The following WDR37 variants were observed in gnomAD, a reference collection of about 807,000 sequenced individuals.
WDR37 encodes WD repeat-containing protein 37.
WDR37 carries 19 observed loss-of-function variants against 62.9 expected under a neutral mutation model. The observed-to-expected ratio is 0.30, with a 90% CI of 0.21 to 0.44. The LOEUF (loss-of-function observed/expected upper bound fraction) is 0.44, where lower values mean the gene tolerates loss of function less well. Ranked by LOEUF, WDR37 falls within the 20% of genes least tolerant of loss-of-function variation. The pLI, the probability that WDR37 is intolerant of heterozygous loss-of-function variation, is 1.00. For synonymous variants in WDR37, 250 were observed against 260.9 expected, an observed-to-expected ratio of 0.96 and a Z score of 0.40; for missense variants, 474 against 657.6, an observed-to-expected ratio of 0.72 and a Z score of 3.05.
intron 1 of WDR37, among the ~76,000 whole-genome samples, chr10:1,065,562 G>A (rs574478016): frequency 2.0e-5 from 3 of 151,950 alleles, no homozygotes; most frequent in Non-Finnish European, 4.4e-5. Context: ...TGAAAGTCAT[G>A]AGTGTAATTG....
Position 1,105,922 on chromosome 10 carries a change from A to T in WDR37, c.1103+655A>T, listed in dbSNP as rs1834997334. Among the ~76,000 whole-genome samples the T allele has an allele frequency of 6.6e-6, 1 of 151,890 alleles. No individual in the cohort carries two copies. Among genetic ancestry groups the T allele is most frequent in the Admixed American group, 6.6e-5 (1 of 15,230 alleles). On this transcript the variant is annotated intron_variant, in intron 11 of 13. Coordinates refer to ENST00000263150, the MANE Select transcript of WDR37 (RefSeq NM_014023.4). The surrounding 1 kb of genome is among the most constrained non-coding windows in gnomAD (Gnocchi z 5.3). ...TGCCTCAGCCTCCCGAGTAGCTGGG[A>T]CTAGAGGCACCTGCCACCACGCCTG...
chr10:1,124,879 T>C (rs1399371322), intron 12 of WDR37, 31 bp from the exon 13 acceptor site: 6 of 1,611,892 alleles, frequency 3.7e-6, no homozygotes, highest in Admixed American at 3.4e-5. Flanking sequence ...CACTGTTTCA[T>C]GCACAACCCA....
At position 1,129,481 on chromosome 10, in the gene WDR37, G is replaced by A; in HGVS notation, c.*137G>A. ...GCTTTGTATATGTTCTTTTCACATA[G>A]TGCCCAGCTTGCATGAAATGTACAG... On this transcript the variant is annotated 3_prime_UTR_variant, in exon 14 of 14. Transcript: ENST00000263150. 1 of 1,280,464 alleles carries A rather than the reference G, an allele frequency of 7.8e-7. No homozygotes were observed. The highest frequency in any genetic ancestry group is 1.5e-5 in the South Asian group (1 of 66,052). The allele number at this position is 1,280,464 out of a possible 1,614,324, so 79.3% of individuals were successfully genotyped here.
chr10:1,104,259 G>A (rs536359497), intron 10 of WDR37, among the ~76,000 whole-genome samples: 2 of 152,162 alleles, frequency 1.3e-5, no homozygotes, highest in Non-Finnish European at 2.9e-5. Flanking sequence ...CCAAGGCTGC[G>A]GTCCTCTTCC....
At chr10:1,068,427 A>G (rs906551995) in intron 1 of WDR37, among the ~76,000 whole-genome samples, 8 of 151,564 alleles carry the variant, frequency 5.3e-5, no homozygotes, top group Non-Finnish European at 1.0e-4. Context: ...ACTGCACTCC[A>G]GCCTGGGCGA....
At chr10:1,117,111 G>A (rs1835424951) in intron 11 of WDR37, among the ~76,000 whole-genome samples, 1 of 152,186 alleles carries the variant, frequency 6.6e-6, no homozygotes, top group East Asian at 1.9e-4. Flanking sequence ...CTGGACTGCA[G>A]TGGCATGATC....
chr10:1,124,876 T>G, intron 12 of WDR37, 34 bp from the exon 13 acceptor site: 1 of 1,611,122 alleles, frequency 6.2e-7, no homozygotes. Context: ...TGTCACTGTT[T>G]CATGCACAAC....
rs1835183480 is a variant in WDR37, at chr10:1,110,581, CA to C, written c.1103+5315del. ...GGTCCTGAGATGTGCGTCCGCGCCCCAGCACACCTGGGTGAGGTCCGGGGTG... is the reference window on the plus strand; with the variant it reads ...GGTCCTGAGATGTGCGTCCGCGCCCCGCACACCTGGGTGAGGTCCGGGGTG... On this transcript the variant is annotated intron_variant, in intron 11 of 13. Coordinates refer to ENST00000263150, the MANE Select transcript of WDR37 (RefSeq NM_014023.4). Among the ~76,000 whole-genome samples, 3 of 152,346 alleles carry C rather than the reference CA, an allele frequency of 2.0e-5. No individual in the cohort carries two copies. The South Asian group carries it at 6.2e-4, about 32-fold the overall frequency.
chr10:1,079,207 C>T (rs10794715), intron 3 of WDR37, among the ~76,000 whole-genome samples: 86,823 of 150,756 alleles, frequency 0.58, 25,802 homozygotes, highest in Non-Finnish European at 0.65. Flanking sequence ...GCCTCAGCCT[C>T]CCAAGTAGCT....
At chr10:1,114,761 C>T (rs562986312) in intron 11 of WDR37, among the ~76,000 whole-genome samples, 11 of 152,232 alleles carry the variant, frequency 7.2e-5, no homozygotes, top group Non-Finnish European at 1.5e-4. Context: ...CTTTTCTGTT[C>T]GTGTGTTTTT....
chr10:1,098,085 A>G (rs897668655), intron 9 of WDR37, among the ~76,000 whole-genome samples: 2 of 152,188 alleles, frequency 1.3e-5, no homozygotes, highest in Non-Finnish European at 2.9e-5. Flanking sequence ...GGCCAGGGAC[A>G]GGATGTTCTC....
At chr10:1,112,880 A>G (rs781680223) in intron 11 of WDR37, among the ~76,000 whole-genome samples, 3 of 152,238 alleles carry the variant, frequency 2.0e-5, no homozygotes, top group Non-Finnish European at 4.4e-5. Flanking sequence ...TCTCCATAAC[A>G]TGAGAGTGCA....
rs1834962849 is a variant in WDR37 at position 1,105,152 on chromosome 10, T to A, written c.988T>A (p.Cys330Ser). 6.2e-7 allele frequency: 1 copy of A among 1,614,170 alleles called. No homozygotes were observed. The highest frequency in any genetic ancestry group is 8.5e-7 in the Non-Finnish European group (1 of 1,180,024). The change falls in exon 11 of 14, where the codon TGC (cysteine) becomes AGC (serine). Residue 330 changes from cysteine (C) to serine (S), a missense_variant. By Grantham distance (112) the Cys-to-Ser change is moderately radical. Coordinates refer to ENST00000263150, the MANE Select transcript of WDR37 (RefSeq NM_014023.4). The surrounding 1 kb of genome is among the most constrained non-coding windows in gnomAD (Gnocchi z 5.3). The stretch of plus-strand genomic sequence containing the variant: ...GCACGACCAGGAGTTGACGCACTGC[T>A]GCACACACCCCACCCAGCGGCTCGT... ...TGHDQELTHC[C>S]THPTQRLVVT... is the part of the protein sequence containing the mutation.
At position 1,084,547 on chromosome 10, in the gene WDR37, C is replaced by G; in HGVS notation, c.532+9C>G. ...CGGGACTGCATCAGCCGGTGAGTCG[C>G]ACACGGACCTGGCCAGCCTGCGGAA... On this transcript the variant is annotated intron_variant, in intron 6 of 13. Coordinates refer to ENST00000263150, the MANE Select transcript of WDR37 (RefSeq NM_014023.4). 1 of 1,612,140 alleles carries G rather than the reference C, an allele frequency of 6.2e-7. No individual in the cohort carries two copies. The highest frequency in any genetic ancestry group is 8.5e-7 in the Non-Finnish European group (1 of 1,178,454).
chr10:1,089,766 C>T (rs1300305174), intron 7 of WDR37, among the ~76,000 whole-genome samples: 1 of 152,204 alleles, frequency 6.6e-6, no homozygotes, highest in Admixed American at 6.5e-5. Context: ...GCTCTTCTGG[C>T]CTCCAGTATT....
chr10:1,108,459 G>A (rs112592575), intron 11 of WDR37, among the ~76,000 whole-genome samples: 2 of 152,338 alleles, frequency 1.3e-5, no homozygotes, highest in African/African-American at 4.8e-5. Context: ...CGCTCCTGCA[G>A]TTAAGATGGC....
Position 1,104,151 on chromosome 10 carries a change from C to T in WDR37, c.961+315C>T, listed in dbSNP as rs552490259. 4.6e-5 allele frequency among the ~76,000 whole-genome samples: 7 copies of T among 152,328 alleles called. No individual in the cohort carries two copies. In the East Asian group the frequency reaches 1.2e-3, roughly 25 times the overall value. On this transcript the variant is annotated intron_variant, in intron 10 of 13. Transcript: ENST00000263150. ...TTAAAACGACAGGAATTGACGGCCT[C>T]ATGGTTTCCCAGGTCAGTAATTCTG... is the stretch of plus-strand genomic sequence containing the variant.
chr10:1,060,022 A>G (rs1833325201), intron 1 of WDR37, among the ~76,000 whole-genome samples: 1 of 152,118 alleles, frequency 6.6e-6, no homozygotes, highest in Non-Finnish European at 1.5e-5. Context: ...GTATTTTAGT[A>G]GAGACGGGAC....
intron 11 of WDR37, among the ~76,000 whole-genome samples, chr10:1,116,210 C>G (rs563022751): frequency 1.3e-5 from 2 of 151,782 alleles, no homozygotes; most frequent in East Asian, 1.9e-4. Flanking sequence ...TTGTCTCTGC[C>G]CTGTCCATCA....
Sources: gnomAD v4.1 joint callset for allele counts (sites outside exome capture counted in the v4.1 genomes callset) on GRCh38, gnomAD v4.1.1 for gene constraint, Gnocchi (gnomAD v3.1) non-coding constraint, MANE v1.5 for transcripts, NCBI Gene and HGNC (gene_info 2026-07-23, HGNC 2026-07-21) for gene names.